The following NECAB1 variants were observed in gnomAD, a reference collection of about 807,000 sequenced individuals.
NECAB1 encodes the protein N-terminal EF-hand calcium binding protein 1.
Under a neutral mutation model 57.5 loss-of-function variants are expected in NECAB1, and 29 were observed. The ratio of observed to expected loss-of-function variants is 0.50; its 90% CI spans 0.38 to 0.69. The LOEUF is 0.69. NECAB1 is among the 30% of genes least tolerant of loss of function. The pLI is 0.00. For missense variants in NECAB1, 372 were observed against 413.8 expected (o/e 0.90, Z 0.88); for synonymous variants, 142 against 147.7 (o/e 0.96, Z 0.28).
At chr8:90,843,287 C>G (rs1332268360) in intron 3 of NECAB1, among the ~76,000 whole-genome samples, 2 of 152,176 alleles carry the variant, frequency 1.3e-5, no homozygotes, top group Non-Finnish European at 2.9e-5. Flanking sequence ...GGTGAGGACA[C>G]AGCCAAACCA....
intron 6 of NECAB1, among the ~76,000 whole-genome samples, chr8:90,918,018 C>A (rs1810018416): frequency 7.1e-6 from 1 of 140,430 alleles, no homozygotes; most frequent in Admixed American, 7.2e-5. Context: ...ATATATATTT[C>A]TTTTTTTTTG....
At chr8:90,826,892 TTAC>T (rs1812234387) in intron 3 of NECAB1, among the ~76,000 whole-genome samples, 1 of 151,932 alleles carries the variant, frequency 6.6e-6, no homozygotes, top group Admixed American at 6.6e-5. Context: ...GGAATAATTA[TTAC>T]TACCAGTTTC....
intron 10 of NECAB1, among the ~76,000 whole-genome samples, chr8:90,945,169 G>A (rs539168150): frequency 3.0e-4 from 45 of 152,294 alleles, no homozygotes; most frequent in Non-Finnish European, 5.9e-5. Context: ...CCAGGTTCAA[G>A]CAATTCTCCT....
rs114377642 is a variant in NECAB1, at chr8:90,956,577, T to A, written c.*1065T>A. 4 of 151,952 alleles carry A rather than the reference T, an allele frequency of 2.6e-5. No individual in the cohort carries two copies. Among genetic ancestry groups the A allele is most frequent in the Non-Finnish European group, 5.9e-5 (4 of 67,860 alleles). The allele number at this position is 151,952 out of a possible 1,614,324, so 9.4% of individuals were successfully genotyped here. A position where few individuals can be genotyped will look rare whatever the true frequency, so the allele number is the denominator to read the frequency against. ...CTCAGAAATTAAATATTTTTAATAA[T>A]AAAAATCTGTTCTGGTTATAAACCT... On this transcript the variant is annotated 3_prime_UTR_variant, in exon 13 of 13. Coordinates refer to ENST00000417640, the MANE Select transcript of NECAB1 (RefSeq NM_022351.5).
Position 90,952,221 on chromosome 8 carries a change from GA to G in NECAB1, c.1030+1030del, listed in dbSNP as rs200527568. ...TAGGGCAATAATCTAGGCCAGGGAA[GA>G]AAAAAAAAAAAACCTGCACCAGGAA... On this transcript the variant is annotated intron_variant, in intron 12 of 12. Coordinates refer to ENST00000417640, the MANE Select transcript of NECAB1 (RefSeq NM_022351.5). 8.0e-3 allele frequency among the ~76,000 whole-genome samples: 1,106 copies of G among 137,816 alleles called. 10 individuals are homozygous for G. The highest frequency in any genetic ancestry group is 0.026 in the African/African-American group (971 of 37,878). The allele number at this position is 137,816 out of a possible 152,430, so 90.4% of individuals were successfully genotyped here. A position where few individuals can be genotyped will look rare whatever the true frequency, so the allele number is the denominator to read the frequency against.
chr8:90,858,382 C>T (rs1812833419), intron 3 of NECAB1, among the ~76,000 whole-genome samples: 1 of 152,112 alleles, frequency 6.6e-6, no homozygotes, highest in Non-Finnish European at 1.5e-5. Flanking sequence ...GTGTAAAACT[C>T]TGTTCTAATT....
At chr8:90,836,677 G>T (rs996351916) in intron 3 of NECAB1, among the ~76,000 whole-genome samples, 5 of 152,154 alleles carry the variant, frequency 3.3e-5, no homozygotes, top group Non-Finnish European at 5.9e-5. Context: ...TGAAAATTCA[G>T]TTTGTCAGAC....
At chr8:90,945,122 G>T (rs936416518) in intron 10 of NECAB1, among the ~76,000 whole-genome samples, 1 of 151,856 alleles carries the variant, frequency 6.6e-6, no homozygotes, top group Admixed American at 6.6e-5. Flanking sequence ...GGAGTGCCCA[G>T]GCTTGCGTGA....
intron 5 of NECAB1, among the ~76,000 whole-genome samples, chr8:90,902,462 T>A (rs1228709864): frequency 6.6e-6 from 1 of 152,102 alleles, no homozygotes. Flanking sequence ...GTTACATACG[T>A]AGAAAAGGAG....
At chr8:90,801,605 A>G in intron 1 of NECAB1, 86 bp from the exon 2 acceptor site, 1 of 812,590 alleles carries the variant, frequency 1.2e-6, no homozygotes, top group Admixed American at 2.9e-5. Context: ...ATTTTATTTA[A>G]TTATGAATAA....
At chr8:90,802,313 C>T (rs1352655696) in intron 2 of NECAB1, among the ~76,000 whole-genome samples, 1 of 152,188 alleles carries the variant, frequency 6.6e-6, no homozygotes, top group South Asian at 2.1e-4. Flanking sequence ...GAGATGGCAA[C>T]CTCGAAGTAA....
At chr8:90,904,349 A>C (rs1809581608) in intron 5 of NECAB1, among the ~76,000 whole-genome samples, 1 of 151,966 alleles carries the variant, frequency 6.6e-6, no homozygotes, top group Non-Finnish European at 1.5e-5. Context: ...TAAGTATGTT[A>C]ATATATTTAT....
At chr8:90,937,312 G>A (rs948227711) in intron 9 of NECAB1, among the ~76,000 whole-genome samples, 5 of 152,136 alleles carry the variant, frequency 3.3e-5, no homozygotes, top group Admixed American at 2.0e-4. Flanking sequence ...AAACAAACTA[G>A]AAGGAAATTA....
chr8:90,834,321 G>A (rs1353477341), intron 3 of NECAB1, among the ~76,000 whole-genome samples: 2 of 152,044 alleles, frequency 1.3e-5, no homozygotes, highest in Non-Finnish European at 2.9e-5. Context: ...CTGAATGTAT[G>A]TGTTTCTTGG....
intron 2 of NECAB1, among the ~76,000 whole-genome samples, chr8:90,817,285 A>G (rs1563495524): frequency 1.3e-5 from 2 of 151,750 alleles, no homozygotes; most frequent in African/African-American, 4.8e-5. Flanking sequence ...TACCTTCCCA[A>G]TCTATATAAT....
chr8:90,908,494 A>T (rs1382941405), intron 5 of NECAB1, among the ~76,000 whole-genome samples: 1 of 152,150 alleles, frequency 6.6e-6, no homozygotes, highest in Non-Finnish European at 1.5e-5. Flanking sequence ...ACTAATTTGG[A>T]AGTGTTTACA....
chr8:90,838,641 T>G (rs1812407554), intron 3 of NECAB1, among the ~76,000 whole-genome samples: 1 of 152,098 alleles, frequency 6.6e-6, no homozygotes, highest in South Asian at 2.1e-4. Flanking sequence ...AAAATCTGAG[T>G]ATCTGGAGAA....
At chr8:90,910,451 C>G (rs1563530113) in intron 5 of NECAB1, among the ~76,000 whole-genome samples, 2 of 152,150 alleles carry the variant, frequency 1.3e-5, no homozygotes, top group African/African-American at 4.8e-5. Flanking sequence ...TTTCTAACTT[C>G]ACAGGGCTTC....
chr8:90,898,981 A>G (rs1266428080), intron 5 of NECAB1, among the ~76,000 whole-genome samples: 2 of 152,224 alleles, frequency 1.3e-5, no homozygotes, highest in African/African-American at 4.8e-5. Context: ...CTTGGAAGGT[A>G]AAGGGGAGAG....
Sources: gnomAD v4.1 joint callset for allele counts (sites outside exome capture counted in the v4.1 genomes callset) on GRCh38, gnomAD v4.1.1 for gene constraint, MANE v1.5 for transcripts, NCBI Gene and HGNC (gene_info 2026-07-23, HGNC 2026-07-21) for gene names.